The following DIS3L variants were observed in gnomAD, a reference collection of about 807,000 sequenced individuals.
DIS3L encodes DIS3 like exosome 3'-5' exoribonuclease, also known as DIS3-like exonuclease 1.
In DIS3L, 100 loss-of-function variants were observed where a neutral mutation model predicts 120.3. That is an observed-to-expected ratio of 0.83 (90% confidence interval 0.71 to 0.98). DIS3L has a LOEUF of 0.98. Among genes scored for constraint, DIS3L ranks in the 50% least tolerant of loss-of-function variants. DIS3L has a pLI of 0.00. For synonymous variants in DIS3L, 426 were observed against 470.6 expected (o/e 0.91, Z 1.23); for missense variants, 1,196 against 1,314.2 (o/e 0.91, Z 1.39).
intron 4 of DIS3L, among the ~76,000 whole-genome samples, chr15:66,310,481 A>C (rs988007305): frequency 6.6e-6 from 1 of 152,230 alleles, no homozygotes; most frequent in South Asian, 2.1e-4. Context: ...ATGATAGTAG[A>C]AAAAAGAGAT....
At chr15:66,327,417 A>AT (rs1038845629) in intron 12 of DIS3L, among the ~76,000 whole-genome samples, 135 of 152,312 alleles carry the variant, frequency 8.9e-4, no homozygotes, top group African/African-American at 3.1e-3. Context: ...TGAGTGAGAC[A>AT]TTTTTACTCC....
chr15:66,332,829 C>T lies in DIS3L; in HGVS notation c.2775C>T (p.Ser925=). Residue 925 remains serine, a synonymous_variant, in exon 16 of 17, where the codon TCC becomes TCT. Coordinates refer to ENST00000319212, the MANE Select transcript of DIS3L (RefSeq NM_001143688.3). ...PDSCSEWKPG[S]LQRFQNKITS... is the part of the protein sequence containing the mutation. Reference sequence around the variant, plus strand: ...GCTGTTCTGAATGGAAACCAGGATCCCTTCAACGATTTCAAAACAAAATTA... The same window carrying T: ...GCTGTTCTGAATGGAAACCAGGATCTCTTCAACGATTTCAAAACAAAATTA... The T allele has an allele frequency of 6.2e-7, 1 of 1,613,924 alleles. No homozygotes were observed. Among genetic ancestry groups the T allele is most frequent in the South Asian group, 1.1e-5 (1 of 91,064 alleles).
At chr15:66,316,461 C>T (rs1427516596) in intron 7 of DIS3L, among the ~76,000 whole-genome samples, 2 of 152,318 alleles carry the variant, frequency 1.3e-5, no homozygotes, top group Non-Finnish European at 2.9e-5. Context: ...GCTCTTCCTG[C>T]TCCCACCCTT....
At chr15:66,302,337 A>C (rs2092657160) in intron 2 of DIS3L, among the ~76,000 whole-genome samples, 1 of 152,152 alleles carries the variant, frequency 6.6e-6, no homozygotes, top group African/African-American at 2.4e-5. Flanking sequence ...GCTGCTCTGC[A>C]GCCTGAGCAA....
chr15:66,332,909 C>T lies in DIS3L; in HGVS notation c.2855C>T (p.Thr952Ile). 1.2e-6 allele frequency: 2 copies of T among 1,607,924 alleles called. No homozygotes were observed. Among genetic ancestry groups the T allele is most frequent in the Non-Finnish European group, 1.7e-6 (2 of 1,177,744 alleles). Reference sequence around the variant, plus strand: ...ACGTTCCATTTGTTTGACCATGTAACCGTAAGTCTGTGTTTCTATTAAGTA... The same window carrying T: ...ACGTTCCATTTGTTTGACCATGTAATCGTAAGTCTGTGTTTCTATTAAGTA... The part of the protein sequence containing the change: ...SVTFHLFDHV[T>I]VRISIQASRC... Residue 952 changes from threonine (T) to isoleucine (I), a missense_variant and splice_region_variant, in exon 16 of 17, where the codon ACC (threonine) becomes ATC (isoleucine). Coordinates refer to ENST00000319212, the MANE Select transcript of DIS3L (RefSeq NM_001143688.3).
chr15:66,295,526 G>C (rs1291796057), intron 2 of DIS3L, among the ~76,000 whole-genome samples: 1 of 152,148 alleles, frequency 6.6e-6, no homozygotes, highest in African/African-American at 2.4e-5. Flanking sequence ...TTGGGGAAAA[G>C]AGTACTTTAT....
chr15:66,315,848 C>A (rs923411384), intron 7 of DIS3L, among the ~76,000 whole-genome samples: 1 of 152,276 alleles, frequency 6.6e-6, no homozygotes, highest in Middle Eastern at 3.4e-3. Flanking sequence ...CACCAGTGAC[C>A]CCATTGCCTG....
intron 11 of DIS3L, among the ~76,000 whole-genome samples, chr15:66,324,794 G>A (rs2092919417): frequency 6.6e-6 from 1 of 152,060 alleles, no homozygotes; most frequent in Non-Finnish European, 1.5e-5. Context: ...ATCCCTTTCT[G>A]TTAACTATAT....
chr15:66,324,924 T>A (rs547243484), intron 11 of DIS3L, among the ~76,000 whole-genome samples: 92 of 152,318 alleles, frequency 6.0e-4, no homozygotes, highest in Non-Finnish European at 1.0e-3. Context: ...ACCTTTTTTT[T>A]AAATAAAATG....
chr15:66,332,740 G>A lies in DIS3L; in HGVS notation c.2686G>A (p.Gly896Arg), dbSNP rs774715101. ...TATATTCTGGTCATAATATAGGTTT[G>A]GGATTAAAGGTGCTGCTTATCTAAA... ...NGVLLFIPRF[G>R]IKGAAYLKNK... Residue 896 changes from glycine (G) to arginine (R), a missense_variant, in exon 16 of 17, where the codon GGG (glycine) becomes AGG (arginine). By Grantham distance (125) the Gly-to-Arg change is moderately radical. Coordinates refer to ENST00000319212, the MANE Select transcript of DIS3L (RefSeq NM_001143688.3). The A allele has an allele frequency of 6.2e-7, 1 of 1,610,922 alleles. No homozygotes were observed. Among genetic ancestry groups the A allele is most frequent in the African/African-American group, 1.3e-5 (1 of 74,734 alleles).
At position 66,293,668 on chromosome 15, in the gene DIS3L, G is replaced by C. The variant is rs1418675997; in HGVS notation, c.72G>C (p.Glu24Asp). The change falls in exon 1 of 17, where the codon GAG becomes GAC. Residue 24 changes from glutamate to aspartate, a missense_variant. By Grantham distance (45) the Glu-to-Asp change is conservative (BLOSUM62 2). Coordinates refer to ENST00000319212, the MANE Select transcript of DIS3L (RefSeq NM_001143688.3). ...FQGRTLRIVR[E>D]HYLRPCVPCH... ...GCCGCACGCTGCGGATCGTGCGCGA[G>C]CACTACCTGCGGCCCTGCGTGCCCT... 1.4e-6 allele frequency: 2 copies of C among 1,425,896 alleles called. No individual in the cohort carries two copies. Among genetic ancestry groups the C allele is most frequent in the South Asian group, 2.7e-5 (2 of 73,860 alleles). 88.3% of individuals were successfully genotyped at this position (1,425,896 alleles called of 1,614,324 possible). A position where few individuals can be genotyped will look rare whatever the true frequency, so the allele number is the denominator to read the frequency against.
rs80167549 is a variant in DIS3L, at chr15:66,303,368, A to G, written c.294-3456A>G. Reference sequence around the variant, plus strand: ...TATTTTTCCTTTCTTTGCTGCAGACATGGGGCACTGCCCTATCTATGCCGT... The same window carrying G: ...TATTTTTCCTTTCTTTGCTGCAGACGTGGGGCACTGCCCTATCTATGCCGT... On this transcript the variant is annotated intron_variant, in intron 2 of 16. Transcript: ENST00000319212. Among the ~76,000 whole-genome samples, 70 of 152,256 alleles carry G rather than the reference A, an allele frequency of 4.6e-4. 1 individual carries two copies. The East Asian group carries it at 0.011, about 24-fold the overall frequency.
intron 2 of DIS3L, among the ~76,000 whole-genome samples, chr15:66,304,464 G>A (rs1446387414): frequency 6.6e-6 from 1 of 151,530 alleles, no homozygotes; most frequent in Non-Finnish European, 1.5e-5. Context: ...AAAATATAGT[G>A]TCTTTGTGAA....
chr15:66,300,457 G>T (rs771265752), intron 2 of DIS3L, among the ~76,000 whole-genome samples: 2 of 152,204 alleles, frequency 1.3e-5, no homozygotes, highest in Non-Finnish European at 2.9e-5. Flanking sequence ...TGATTAAAAT[G>T]TTCTGTAATT....
Position 66,303,392 on chromosome 15 carries a change from G to A in DIS3L, c.294-3432G>A, listed in dbSNP as rs191417252. ...CATGGGGCACTGCCCTATCTATGCC[G>A]TAGGACACTATTCAGATGCAGTGGG... On this transcript the variant is annotated intron_variant, in intron 2 of 16. Transcript: ENST00000319212. Among the ~76,000 whole-genome samples, 540 of 152,240 alleles carry A rather than the reference G, an allele frequency of 3.5e-3. 2 individuals carry two copies. Among genetic ancestry groups the A allele is most frequent in the African/African-American group, 0.012 (515 of 41,546 alleles).
chr15:66,318,307 A>G, intron 7 of DIS3L, 142 bp from the exon 8 acceptor site: 1 of 947,912 alleles, frequency 1.1e-6, no homozygotes, highest in Non-Finnish European at 1.5e-6. Context: ...CCTTTCAAAA[A>G]CATTCTTGAG....
Position 66,308,694 on chromosome 15 carries a change from C to G in DIS3L, c.423-15C>G, listed in dbSNP as rs549281161. On this transcript the variant is annotated splice_polypyrimidine_tract_variant and intron_variant, in intron 3 of 16. Coordinates refer to ENST00000319212, the MANE Select transcript of DIS3L (RefSeq NM_001143688.3). Reference sequence around the variant, plus strand: ...GTCTGCCTGGGGAGAGCTCATGTGCCCTTTGCTTTTCCAGGAGCATATACA... The same window carrying G: ...GTCTGCCTGGGGAGAGCTCATGTGCGCTTTGCTTTTCCAGGAGCATATACA... 1 of 1,603,824 alleles carries G rather than the reference C, an allele frequency of 6.2e-7. No homozygotes were observed. The highest frequency in any genetic ancestry group is 1.1e-5 in the South Asian group (1 of 89,918).
chr15:66,312,798 A>G (rs369072718), intron 5 of DIS3L, among the ~76,000 whole-genome samples: 2 of 152,210 alleles, frequency 1.3e-5, no homozygotes, highest in African/African-American at 2.4e-5. Flanking sequence ...GAATTGTTCT[A>G]TCGTGGATTT....
chr15:66,320,148 A>T (rs1223578454), intron 8 of DIS3L, among the ~76,000 whole-genome samples: 5 of 152,026 alleles, frequency 3.3e-5, no homozygotes, highest in Non-Finnish European at 4.4e-5. Context: ...AAAATAAAAT[A>T]GACTTCAAAG....
Sources: gnomAD v4.1 joint callset for allele counts (sites outside exome capture counted in the v4.1 genomes callset) on GRCh38, gnomAD v4.1.1 for gene constraint, MANE v1.5 for transcripts, NCBI Gene and HGNC (gene_info 2026-07-23, HGNC 2026-07-21) for gene names.